The following CHD8 variants were observed in gnomAD, a reference collection of about 807,000 sequenced individuals.
The protein encoded by CHD8 is ATP-dependent chromatin remodeler CHD8.
Under a neutral mutation model 279.2 loss-of-function variants are expected in CHD8, and 31 were observed. The ratio of observed to expected loss-of-function variants is 0.11; its 90% confidence interval spans 0.08 to 0.15. The LOEUF (loss-of-function observed/expected upper bound fraction) is 0.15, where lower values mean the gene tolerates loss of function less well. CHD8 is among the 10% of genes least tolerant of loss of function. The pLI, the probability that CHD8 is intolerant of heterozygous loss-of-function variation, is 1.00. For synonymous variants in CHD8, 1,081 were observed against 1,139.6 expected (o/e 0.95, Z 1.04); for missense variants, 2,146 against 3,230.5 (o/e 0.66, Z 8.14).
At chr14:21,453,732 G>C (rs1208676669) in intron 1 of CHD8, among the ~76,000 whole-genome samples, 1 of 151,836 alleles carries the variant, frequency 6.6e-6, no homozygotes, top group Non-Finnish European at 1.5e-5. Context: ...AACTCTTCCA[G>C]AGCTGTAGAC....
chr14:21,445,730 G>A (rs1407219772), intron 1 of CHD8, among the ~76,000 whole-genome samples: 3 of 141,626 alleles, frequency 2.1e-5, no homozygotes, highest in African/African-American at 5.3e-5. Context: ...AGCTGGGCAC[G>A]GTGGCTAACA....
chr14:21,442,636 A>AAGGGGGGAGAGGAG lies in CHD8; in HGVS notation c.-215-10779_-215-10778insCTCCTCTCCCCCCT, dbSNP rs1890003988. Among the ~76,000 whole-genome samples the AAGGGGGGAGAGGAG allele has an allele frequency of 2.2e-4, 28 of 124,556 alleles. No homozygotes were observed. The South Asian group carries it at 3.7e-3, about 17-fold the overall frequency. 81.7% of individuals were successfully genotyped at this position (124,556 alleles called of 152,430 possible). On this transcript the variant is annotated intron_variant, in intron 1 of 37. Coordinates refer to ENST00000646647, the MANE Select transcript of CHD8 (RefSeq NM_001170629.2). ...ACCCTATCAGAAAGGAGAAAAGAGA[A>AAGGGGGGAGAGGAG]AGGGGAGGAGAGGAGAGGGGAGGAG...
At chr14:21,453,593 C>A (rs1890308743) in intron 1 of CHD8, among the ~76,000 whole-genome samples, 1 of 151,862 alleles carries the variant, frequency 6.6e-6, no homozygotes, top group South Asian at 2.1e-4. Flanking sequence ...ACCTGCAGAT[C>A]AAGGACTGGC....
At chr14:21,422,728 C>T (rs897412790) in intron 5 of CHD8, among the ~76,000 whole-genome samples, 6 of 151,436 alleles carry the variant, frequency 4.0e-5, no homozygotes, top group South Asian at 2.1e-4. Flanking sequence ...AGGAGTTGAA[C>T]GCCAGCCTGA....
intron 14 of CHD8, 76 bp downstream of exon 14, chr14:21,406,780 C>CT: frequency 2.3e-6 from 3 of 1,315,694 alleles, no homozygotes; most frequent in Non-Finnish European, 3.1e-6. Context: ...CTCTGCTAAA[C>CT]TAGGGTTATT....
At position 21,427,999 on chromosome 14, in the gene CHD8, T is replaced by C; in HGVS notation, c.1471A>G (p.Ser491Gly). 6.2e-7 allele frequency: 1 copy of C among 1,614,084 alleles called. No individual in the cohort carries two copies. Among genetic ancestry groups the C allele is most frequent in the Non-Finnish European group, 8.5e-7 (1 of 1,179,900 alleles). The change falls in exon 4 of 38, where the codon AGC becomes GGC. Residue 491 changes from serine to glycine, a missense_variant. Coordinates refer to ENST00000646647, the MANE Select transcript of CHD8 (RefSeq NM_001170629.2). ...TCGCCTTCCTCCTCTGGCCGAACGCTGGGCAACTCGTCCTCATTTAAGACT... is the reference window on the plus strand; with the variant it reads ...TCGCCTTCCTCCTCTGGCCGAACGCCGGGCAACTCGTCCTCATTTAAGACT... ...PRVLNEDELP[S>G]VRPEEEGEKK...
Position 21,400,902 on chromosome 14 carries a change from C to T in CHD8, c.4343G>A (p.Arg1448Gln), listed in dbSNP as rs915195873. 26 of 1,612,290 alleles carry T rather than the reference C, an allele frequency of 1.6e-5. No individual in the cohort carries two copies. Among genetic ancestry groups the T allele is most frequent in the Admixed American group, 6.7e-5 (4 of 59,698 alleles). The change falls in exon 22 of 38, where the codon CGG (arginine) becomes CAG (glutamine). Residue 1448 changes from arginine to glutamine, a missense_variant. Arg to Gln is a conservative substitution (Grantham distance 43, BLOSUM62 1). Coordinates refer to ENST00000646647, the MANE Select transcript of CHD8 (RefSeq NM_001170629.2). This position sits in a 1 kb window ranked among gnomAD's most constrained non-coding sequence, Gnocchi z 4.2. ...HHAYGRTDCFRVEKHLLVYGW... is the reference protein window; with the variant it reads ...HHAYGRTDCFQVEKHLLVYGW... ...ATATACCAGGAGATGCTTTTCCACC[C>T]GAAAGCAGTCAGTGCGCCCATAGGC...
chr14:21,447,940 A>T (rs1890167022), intron 1 of CHD8, among the ~76,000 whole-genome samples: 2 of 152,168 alleles, frequency 1.3e-5, no homozygotes, highest in Admixed American at 6.5e-5. Flanking sequence ...TAACTGGGCC[A>T]ATGTTCACCT....
chr14:21,405,448 G>A lies in CHD8; in HGVS notation c.3068C>T (p.Ala1023Val). Residue 1023 changes from alanine (A) to valine (V), a missense_variant, in exon 16 of 38, where the codon GCC (alanine) becomes GTC (valine). Ala to Val is a moderately conservative substitution (Grantham distance 64). Around this residue, in one of 26 missense-constraint regions of CHD8, gnomAD observed 211 missense variants for 464.7 expected, o/e 0.45. Coordinates refer to ENST00000646647, the MANE Select transcript of CHD8 (RefSeq NM_001170629.2). This position sits in a 1 kb window ranked among gnomAD's most constrained non-coding sequence, Gnocchi z 4.2. ...KTEEQVQKLQ[A>V]ILKPMMLRRL... ...TCTCAGCATCATTGGCTTAAGAATG[G>A]CCTGTAGCTTTTGAACCTGTGGTCC... 1 of 1,602,124 alleles carries A rather than the reference G, an allele frequency of 6.2e-7. No individual in the cohort carries two copies. Among genetic ancestry groups the A allele is most frequent in the Non-Finnish European group, 8.5e-7 (1 of 1,173,748 alleles).
chr14:21,444,397 C>A (rs541787241), intron 1 of CHD8, among the ~76,000 whole-genome samples: 1 of 152,208 alleles, frequency 6.6e-6, no homozygotes, highest in East Asian at 1.9e-4. Flanking sequence ...AGCTTGAGTG[C>A]ACACTCTAGC....
At chr14:21,437,999 T>C (rs1200356689) in intron 1 of CHD8, among the ~76,000 whole-genome samples, 2 of 152,132 alleles carry the variant, frequency 1.3e-5, no homozygotes, top group African/African-American at 4.8e-5. Context: ...ATCACTCTAA[T>C]TCCCAGTGAG....
chr14:21,386,015 T>C lies in CHD8; in HGVS notation c.7344A>G (p.Gln2448=), dbSNP rs777503490. The C allele has an allele frequency of 3.1e-6, 5 of 1,594,010 alleles. No individual in the cohort carries two copies. Among genetic ancestry groups the C allele is most frequent in the African/African-American group, 2.7e-5 (2 of 74,580 alleles). The change falls in exon 38 of 38, where the codon CAA becomes CAG. Residue 2448 remains glutamine, a synonymous_variant. Coordinates refer to ENST00000646647, the MANE Select transcript of CHD8 (RefSeq NM_001170629.2). ...TGSLSLHNTF[Q]HSSSGLQSVS... ...CAGACTGTAGGCCACTACTGCTGTG[T>C]TGGAACGTGTTATGCAGAGATAGAG...
Position 21,409,995 on chromosome 14 carries a change from G to A in CHD8, c.2227-7C>T, listed in dbSNP as rs1888416933. On this transcript the variant is annotated splice_region_variant and splice_polypyrimidine_tract_variant and intron_variant, in intron 10 of 37. Transcript: ENST00000646647. ...CCAGGTAGTAAATAACGGGCTAGGA[G>A]AGAAGAAACCAAAGCCTTAAGAAAC... is the stretch of plus-strand genomic sequence containing the variant. 4 of 1,603,488 alleles carry A rather than the reference G, an allele frequency of 2.5e-6. No homozygotes were observed. The highest frequency in any genetic ancestry group is 2.6e-6 in the Non-Finnish European group (3 of 1,175,236).
chr14:21,408,969 A>C lies in CHD8; in HGVS notation c.2365-144T>G. 1.1e-6 allele frequency: 1 copy of C among 899,114 alleles called. No homozygotes were observed. Among genetic ancestry groups the C allele is most frequent in the South Asian group, 1.8e-5 (1 of 55,092 alleles). 55.7% of individuals were successfully genotyped at this position (899,114 alleles called of 1,614,324 possible). On this transcript the variant is annotated intron_variant, in intron 11 of 37. Coordinates refer to ENST00000646647, the MANE Select transcript of CHD8 (RefSeq NM_001170629.2). The surrounding 1 kb of genome is among the most constrained non-coding windows in gnomAD (Gnocchi z 4.3). The stretch of plus-strand genomic sequence containing the variant: ...CAAATATATTTAAATTTATGAGTTC[A>C]TAACGTTACTTTATGGGTCCATAAT...
At chr14:21,388,604 T>C (rs1887385335) in intron 37 of CHD8, among the ~76,000 whole-genome samples, 1 of 152,302 alleles carries the variant, frequency 6.6e-6, no homozygotes, top group Admixed American at 6.5e-5. Context: ...GTGATCCTCC[T>C]GCCTCAGCTT....
chr14:21,396,107 C>T (rs1887771925), intron 27 of CHD8, among the ~76,000 whole-genome samples: 1 of 152,122 alleles, frequency 6.6e-6, no homozygotes, highest in African/African-American at 2.4e-5. Context: ...AGCGATCCTC[C>T]TCCCTCAGCC....
chr14:21,452,845 A>G (rs1220128422), intron 1 of CHD8, among the ~76,000 whole-genome samples: 1 of 150,334 alleles, frequency 6.7e-6, no homozygotes, highest in East Asian at 2.0e-4. Context: ...TTAGCCGGGC[A>G]TGGTGGTGCG....
rs890442895 is a variant in CHD8, at chr14:21,400,796, A to G, written c.4370+79T>C. The G allele has an allele frequency of 5.6e-6, 8 of 1,433,416 alleles. 1 individual carries two copies. The highest frequency in any genetic ancestry group is 4.3e-5 in the African/African-American group (3 of 69,866). The allele number at this position is 1,433,416 out of a possible 1,614,324, so 88.8% of individuals were successfully genotyped here. ...ATCCCTTCTTTGATCATAGCCCCCAATTTGAAAGGCAAACCAAGAGTATCT... is the reference window on the plus strand; with the variant it reads ...ATCCCTTCTTTGATCATAGCCCCCAGTTTGAAAGGCAAACCAAGAGTATCT... On this transcript the variant is annotated intron_variant, in intron 22 of 37. Transcript: ENST00000646647. This position sits in a 1 kb window ranked among gnomAD's most constrained non-coding sequence, Gnocchi z 4.2.
At chr14:21,392,912 A>G (rs1043633537) in intron 33 of CHD8, 103 bp from the exon 34 acceptor site, 9 of 1,321,700 alleles carry the variant, frequency 6.8e-6, no homozygotes, top group Admixed American at 2.1e-5. Context: ...GGTAAAAATC[A>G]TAAGGCAGAA....
Sources: allele counts gnomAD v4.1 joint callset (sites outside exome capture counted in the v4.1 genomes callset), GRCh38; gene constraint gnomAD v4.1.1; regional missense constraint gnomAD v4.1.1; non-coding constraint Gnocchi (gnomAD v3.1); transcripts MANE v1.5; gene names NCBI Gene and HGNC (gene_info 2026-07-23, HGNC 2026-07-21).